Variants in PTPRE observed in about 807,000 individuals in gnomAD.
PTPRE encodes the protein protein tyrosine phosphatase receptor type E, also known as receptor-type tyrosine-protein phosphatase epsilon.
Under a neutral mutation model 102.0 loss-of-function variants are expected in PTPRE, and 51 were observed. The ratio of observed to expected loss-of-function variants is 0.50; its 90% CI spans 0.40 to 0.63. The LOEUF (loss-of-function observed/expected upper bound fraction) is 0.63. PTPRE is among the 30% of genes least tolerant of loss of function. The pLI is 0.00. For synonymous variants in PTPRE, 345 were observed against 348.2 expected, an observed-to-expected ratio of 0.99 and a Z score of 0.10; for missense variants, 752 against 915.1, an observed-to-expected ratio of 0.82 and a Z score of 2.30.
intron 9 of PTPRE, among the ~76,000 whole-genome samples, chr10:128,062,492 A>G (rs1303242924): frequency 6.6e-6 from 1 of 152,202 alleles, no homozygotes; most frequent in Non-Finnish European, 1.5e-5. Context: ...CCACGGCAGG[A>G]CAGCAGCAGG....
intron 1 of PTPRE, among the ~76,000 whole-genome samples, chr10:127,914,897 A>G (rs1381082671): frequency 2.6e-5 from 4 of 152,204 alleles, no homozygotes; most frequent in African/African-American, 7.2e-5. Context: ...CAGGGGTGGC[A>G]TATCCTCATG....
chr10:127,929,365 G>A (rs1480946708), intron 1 of PTPRE: 1 of 152,140 alleles, frequency 6.6e-6, no homozygotes, highest in Non-Finnish European at 1.5e-5. Context: ...CAAATTACTT[G>A]GAAGTGTGAG....
intron 2 of PTPRE, among the ~76,000 whole-genome samples, chr10:128,004,324 T>A (rs562395893): frequency 2.0e-5 from 3 of 152,092 alleles, no homozygotes; most frequent in African/African-American, 7.2e-5. Flanking sequence ...GTTTTGTACA[T>A]TCACAGTGTT....
At chr10:128,010,134 G>A (rs1228718506) in intron 2 of PTPRE, among the ~76,000 whole-genome samples, 6 of 152,198 alleles carry the variant, frequency 3.9e-5, no homozygotes, top group South Asian at 2.1e-4. Context: ...TTTGCTGGCC[G>A]TAAACCAGGC....
chr10:127,961,753 G>C (rs1849833019), intron 1 of PTPRE, among the ~76,000 whole-genome samples: 1 of 152,068 alleles, frequency 6.6e-6, no homozygotes, highest in Non-Finnish European at 1.5e-5. Flanking sequence ...ATATTTATTT[G>C]TACCTTGGTG....
At chr10:128,018,631 C>G (rs57060037) in intron 2 of PTPRE, among the ~76,000 whole-genome samples, 3,514 of 152,280 alleles carry the variant, frequency 0.023, 140 homozygotes, top group African/African-American at 0.079. Context: ...GCCGCCTCCC[C>G]ACAGCCTCCA....
chr10:127,949,999 G>A (rs1848902425), intron 1 of PTPRE, among the ~76,000 whole-genome samples: 1 of 151,990 alleles, frequency 6.6e-6, no homozygotes, highest in Admixed American at 6.6e-5. Flanking sequence ...CAGTTGCCAG[G>A]CAAGACAGTG....
chr10:128,060,080 C>CA (rs1849411917), intron 7 of PTPRE, among the ~76,000 whole-genome samples: 1 of 49,716 alleles, frequency 2.0e-5, no homozygotes. Flanking sequence ...ATACCACACA[C>CA]TACACACACA....
At chr10:128,082,811 T>G (rs748781733) in intron 20 of PTPRE, 21 bp from the exon 21 acceptor site, 1 of 1,543,234 alleles carries the variant, frequency 6.5e-7, no homozygotes, top group Non-Finnish European at 8.6e-7. Flanking sequence ...CATTTTAATG[T>G]GTCCTTGTTT....
At chr10:127,908,984 T>C (rs190872775) in intron 1 of PTPRE, among the ~76,000 whole-genome samples, 1 of 152,346 alleles carries the variant, frequency 6.6e-6, no homozygotes, top group African/African-American at 2.4e-5. Context: ...TGTTATTGTC[T>C]TTACGTGTGA....
intron 2 of PTPRE, among the ~76,000 whole-genome samples, chr10:128,013,856 C>A (rs1306689862): frequency 6.6e-6 from 1 of 152,186 alleles, no homozygotes; most frequent in African/African-American, 2.4e-5. Context: ...GCTGGGCTGA[C>A]TAAGACAGTG....
intron 2 of PTPRE, among the ~76,000 whole-genome samples, chr10:128,018,822 C>T (rs893303373): frequency 2.6e-5 from 4 of 152,164 alleles, no homozygotes; most frequent in African/African-American, 9.7e-5. Context: ...CCCTCCAAGC[C>T]ACTCCAGTCC....
intron 2 of PTPRE, among the ~76,000 whole-genome samples, chr10:127,985,955 G>C (rs935402816): frequency 6.6e-5 from 10 of 152,086 alleles, no homozygotes; most frequent in African/African-American, 2.4e-4. Context: ...GCTGAGTGTG[G>C]TGGCGGGTGC....
chr10:128,075,854 A>G (rs1358665666), intron 17 of PTPRE, among the ~76,000 whole-genome samples: 1 of 152,168 alleles, frequency 6.6e-6, no homozygotes, highest in Non-Finnish European at 1.5e-5. Context: ...TCTTGTGTCA[A>G]ATGCCTGTTC....
intron 1 of PTPRE, among the ~76,000 whole-genome samples, chr10:127,978,656 C>T (rs779424225): frequency 5.3e-5 from 8 of 152,208 alleles, no homozygotes; most frequent in Non-Finnish European, 7.3e-5. Context: ...CCGGCATTGC[C>T]GCTGCCCTGT....
intron 1 of PTPRE, among the ~76,000 whole-genome samples, chr10:127,981,491 T>G (rs1407741155): frequency 6.8e-6 from 1 of 146,452 alleles, no homozygotes; most frequent in Non-Finnish European, 1.5e-5. Context: ...AATAAAACTG[T>G]TTTTTTTTAA....
intron 2 of PTPRE, among the ~76,000 whole-genome samples, chr10:128,026,430 A>T (rs1376273520): frequency 6.6e-6 from 1 of 152,220 alleles, no homozygotes; most frequent in Admixed American, 6.5e-5. Flanking sequence ...GTGAAGGAAG[A>T]TATAGAACAA....
intron 3 of PTPRE, 44 bp from the exon 4 acceptor site, chr10:128,047,346 G>A (rs778046123): frequency 1.9e-6 from 3 of 1,597,694 alleles, no homozygotes; most frequent in Non-Finnish European, 2.6e-6. Context: ...TTTGCAAACT[G>A]TGAAGTGAGG....
chr10:127,947,669 A>C (rs1367645072), intron 1 of PTPRE, among the ~76,000 whole-genome samples: 1 of 152,182 alleles, frequency 6.6e-6, no homozygotes, highest in East Asian at 1.9e-4. Context: ...TCCCTGGACC[A>C]CCATGACCAC....
Sources: allele counts gnomAD v4.1 joint callset (sites outside exome capture counted in the v4.1 genomes callset), GRCh38; gene constraint gnomAD v4.1.1; transcripts MANE v1.5; gene names NCBI Gene and HGNC (gene_info 2026-07-23, HGNC 2026-07-21).